NASP: variants seen among roughly 807,000 people sequenced by gnomAD.
The protein encoded by NASP is nuclear autoantigenic sperm protein.
A neutral mutation model predicts 89.5 loss-of-function variants in NASP; 24 were observed. The ratio of observed to expected loss-of-function variants is 0.27; its 90% CI spans 0.19 to 0.38. The LOEUF (loss-of-function observed/expected upper bound fraction) is 0.38, where lower values mean the gene tolerates loss of function less well. Among genes scored for constraint, NASP ranks in the 10% least tolerant of loss-of-function variants. The pLI, the probability that NASP is intolerant of heterozygous loss-of-function variation, is 1.00. For synonymous variants in NASP, 306 were observed against 324.7 expected (o/e 0.94, Z 0.62); for missense variants, 848 against 921.4 (o/e 0.92, Z 1.03).
Position 45,590,438 on chromosome 1 carries a change from C to G in NASP, c.60-785C>G, listed in dbSNP as rs1247808437. ...CGGTGCACAGGCACCGGCCTGGCAC[C>G]AGGCCCAGGCTGAGGCAGGAGAATG... is the stretch of plus-strand genomic sequence containing the variant. On this transcript the variant is annotated intron_variant, in intron 1 of 14. Transcript: ENST00000350030. Among the ~76,000 whole-genome samples the G allele has an allele frequency of 4.2e-4, 63 of 151,078 alleles. 1 individual carries two copies. In the Middle Eastern group the frequency reaches 0.031, roughly 74 times the overall value.
At chr1:45,586,284 G>GTGTGTGTGGT (rs1202771599) in intron 1 of NASP, among the ~76,000 whole-genome samples, 4 of 100,534 alleles carry the variant, frequency 4.0e-5, no homozygotes, top group South Asian at 6.5e-4. Flanking sequence ...GTGTGTGTGT[G>GTGTGTGTGGT]GTGTGTGTGT....
At position 45,590,709 on chromosome 1, in the gene NASP, G is replaced by A. The variant is rs191964025; in HGVS notation, c.60-514G>A. On this transcript the variant is annotated intron_variant, in intron 1 of 14. Transcript: ENST00000350030. ...TTTTTTTTTTTTTTTTTTTTGAGAC[G>A]GAGTCTCGCTGTGATATCTCCCTGA... is the stretch of plus-strand genomic sequence containing the variant. Among the ~76,000 whole-genome samples, 572 of 113,320 alleles carry A rather than the reference G, an allele frequency of 5.0e-3. 4 individuals carry two copies. Among genetic ancestry groups the A allele is most frequent in the African/African-American group, 0.019 (548 of 29,328 alleles). 74.3% of individuals were successfully genotyped at this position (113,320 alleles called of 152,430 possible). A position where few individuals can be genotyped will look rare whatever the true frequency, so the allele number is the denominator to read the frequency against.
At chr1:45,590,663 T>C (rs1380660285) in intron 1 of NASP, among the ~76,000 whole-genome samples, 2 of 150,740 alleles carry the variant, frequency 1.3e-5, no homozygotes, top group Non-Finnish European at 3.0e-5. Flanking sequence ...CAGAGTCTTA[T>C]ATTGCAGTCA....
At chr1:45,611,847 T>TA (rs1644017661) in intron 6 of NASP, 2 of 149,524 alleles carry the variant, frequency 1.3e-5, no homozygotes, top group Non-Finnish European at 3.0e-5. Flanking sequence ...GTAAATTTGT[T>TA]AAAGTATCTT....
At chr1:45,603,153 G>T (rs1470498999) in intron 3 of NASP, among the ~76,000 whole-genome samples, 1 of 152,122 alleles carries the variant, frequency 6.6e-6, no homozygotes, top group Non-Finnish European at 1.5e-5. Flanking sequence ...GTTAGCTTTA[G>T]TGCCTTAAAG....
At position 45,584,041 on chromosome 1, in the gene NASP, C is replaced by T; in HGVS notation, c.-106C>T. 2.8e-6 allele frequency: 3 copies of T among 1,080,426 alleles called. No individual in the cohort carries two copies. The highest frequency in any genetic ancestry group is 4.0e-6 in the Non-Finnish European group (3 of 741,040). The allele number at this position is 1,080,426 out of a possible 1,614,324, so 66.9% of individuals were successfully genotyped here. A position where few individuals can be genotyped will look rare whatever the true frequency, so the allele number is the denominator to read the frequency against. On this transcript the variant is annotated 5_prime_UTR_variant, in exon 1 of 15. Coordinates refer to ENST00000350030, the MANE Select transcript of NASP (RefSeq NM_002482.4). ...TAAAAGGGCCCCGGCCGCGCGGGGTCTCTAATCTGCCATTTTCTGTCCCTG... is the reference window on the plus strand; with the variant it reads ...TAAAAGGGCCCCGGCCGCGCGGGGTTTCTAATCTGCCATTTTCTGTCCCTG...
At chr1:45,599,616 G>A (rs1256390037) in intron 2 of NASP, among the ~76,000 whole-genome samples, 2 of 151,448 alleles carry the variant, frequency 1.3e-5, no homozygotes, top group African/African-American at 4.8e-5. Context: ...TCAGAAGAGA[G>A]GGGGGTTTCA....
intron 4 of NASP, among the ~76,000 whole-genome samples, chr1:45,606,243 A>G (rs561536041): frequency 4.6e-5 from 7 of 152,316 alleles, no homozygotes; most frequent in African/African-American, 1.4e-4. Context: ...TCTTTTGACA[A>G]GAGACATGCT....
chr1:45,586,296 T>TGTGTGTGTGTGTGTGTGTG (rs1644547146), intron 1 of NASP, among the ~76,000 whole-genome samples: 4 of 93,610 alleles, frequency 4.3e-5, no homozygotes, highest in East Asian at 3.0e-4. Flanking sequence ...TGTGTGTGTG[T>TGTGTGTGTGTGTGTGTGTG]GTGTGTGTGT....
In NASP at chr1:45,607,988, T is replaced by C; in HGVS notation, c.1077T>C (p.Ala359=). The part of the protein sequence containing the change: ...TEAAEASAVE[A]GSEVSEKPGQ... ...CTGCAGAGGCCTCAGCTGTAGAGGC[T>C]GGATCAGAAGTCTCTGAAAAGCCTG... The change falls in exon 6 of 15, where the codon GCT becomes GCC. Residue 359 remains alanine (A), a synonymous_variant. Coordinates refer to ENST00000350030, the MANE Select transcript of NASP (RefSeq NM_002482.4). 2.5e-6 allele frequency: 4 copies of C among 1,614,082 alleles called. No homozygotes were observed. The highest frequency in any genetic ancestry group is 2.2e-5 in the South Asian group (2 of 91,078).
chr1:45,601,514 A>G (rs1643842778), intron 2 of NASP, among the ~76,000 whole-genome samples: 1 of 152,186 alleles, frequency 6.6e-6, no homozygotes, highest in East Asian at 1.9e-4. Context: ...TCTGTGTTCT[A>G]TTTGATCCAT....
intron 5 of NASP, chr1:45,606,821 G>A: frequency 2.4e-6 from 1 of 412,040 alleles, no homozygotes; most frequent in South Asian, 4.5e-5. Context: ...ATTTCGATTG[G>A]GGTTTTTTAA....
chr1:45,586,413 G>C (rs1268476136), intron 1 of NASP, among the ~76,000 whole-genome samples: 2 of 151,642 alleles, frequency 1.3e-5, no homozygotes, highest in African/African-American at 4.8e-5. Context: ...AGCCTCCCGA[G>C]TAGCTGGGAC....
intron 13 of NASP, 33 bp from the exon 14 acceptor site, chr1:45,617,430 A>G (rs1428513464): frequency 6.3e-7 from 1 of 1,597,332 alleles, no homozygotes; most frequent in South Asian, 1.1e-5. Context: ...AACATTAAGC[A>G]CATTTGTGAA....
At chr1:45,587,581 C>T (rs1644570586) in intron 1 of NASP, among the ~76,000 whole-genome samples, 1 of 147,238 alleles carries the variant, frequency 6.8e-6, no homozygotes. Context: ...AGACTAGTAC[C>T]TACATATCTT....
intron 5 of NASP, 81 bp from the exon 6 acceptor site, chr1:45,607,240 G>T: frequency 7.1e-7 from 1 of 1,410,128 alleles, no homozygotes; most frequent in East Asian, 2.4e-5. Flanking sequence ...GGTTTAAAGG[G>T]AATGTATTTT....
intron 1 of NASP, among the ~76,000 whole-genome samples, chr1:45,584,566 G>C (rs1644500071): frequency 6.6e-6 from 1 of 152,200 alleles, no homozygotes; most frequent in Non-Finnish European, 1.5e-5. Context: ...TCTGTCCCCA[G>C]CGTGTGCCTC....
At position 45,618,124 on chromosome 1, in the gene NASP, G is replaced by T; in HGVS notation, c.2350G>T (p.Glu784Ter). ...GACAGTGGAGGCTGGAGCTACAGTTGAAAGCACTGCATGTTAAGAGGGGGC... is the reference window on the plus strand; with the variant it reads ...GACAGTGGAGGCTGGAGCTACAGTTTAAAGCACTGCATGTTAAGAGGGGGC... ...EGTVEAGATVESTAC is the reference protein window; with the variant it reads ...EGTVEAGATV The change falls in exon 15 of 15, where the codon GAA becomes TAA. Residue 784 changes from glutamate (E) to a stop codon, truncating the protein, a stop_gained. Transcript: ENST00000350030. LOFTEE classifies it high-confidence loss of function. 2.5e-6 allele frequency: 4 copies of T among 1,596,882 alleles called. No homozygotes were observed. Among genetic ancestry groups the T allele is most frequent in the South Asian group, 1.1e-5 (1 of 88,030 alleles).
chr1:45,584,066 G>GA lies in NASP; in HGVS notation c.-80dup, dbSNP rs1644488645. On this transcript the variant is annotated 5_prime_UTR_variant, in exon 1 of 15. Transcript: ENST00000350030. Reference sequence around the variant, plus strand: ...CTCTAATCTGCCATTTTCTGTCCCTGAGTGAGTCTCTGGCGTCCCAAATTG... The same window carrying GA: ...CTCTAATCTGCCATTTTCTGTCCCTGAAGTGAGTCTCTGGCGTCCCAAATTG... The GA allele has an allele frequency of 7.4e-7, 1 of 1,357,006 alleles. No individual in the cohort carries two copies. The highest frequency in any genetic ancestry group is 1.4e-5 in the African/African-American group (1 of 69,042). The allele number at this position is 1,357,006 out of a possible 1,614,324, so 84.1% of individuals were successfully genotyped here.
Sources: allele counts gnomAD v4.1 joint callset (sites outside exome capture counted in the v4.1 genomes callset), GRCh38; gene constraint gnomAD v4.1.1; transcripts MANE v1.5; gene names NCBI Gene and HGNC (gene_info 2026-07-23, HGNC 2026-07-21).